The following SCIN variants were observed in gnomAD, a reference collection of about 807,000 sequenced individuals.
SCIN encodes scinderin, also known as adseverin.
SCIN carries 91 observed loss-of-function variants against 91.8 expected under a neutral mutation model. The ratio of observed to expected loss-of-function variants is 0.99; its 90% CI spans 0.84 to 1.18. The LOEUF (loss-of-function observed/expected upper bound fraction) is 1.18, where lower values mean the gene tolerates loss of function less well. Among genes scored for constraint, SCIN ranks in the 50% most tolerant of loss-of-function variants. SCIN has a pLI of 0.00. For synonymous variants in SCIN, 367 were observed against 312.6 expected (o/e 1.17, Z -1.84); for missense variants, 1,087 against 863.9 (o/e 1.26, Z -3.24).
rs1175321952 is a variant in SCIN at position 12,658,509 on chromosome 7, G to A, written c.*5794G>A. On this transcript the variant is annotated 3_prime_UTR_variant, in exon 16 of 16. Coordinates refer to ENST00000297029, the MANE Select transcript of SCIN (RefSeq NM_001112706.3). ...ACAATGCCTTCTGAGAAACAATGTT[G>A]TTCCACATTTTAGAGTTTTGGCATG... 3 of 152,166 alleles carry A rather than the reference G, an allele frequency of 2.0e-5. No individual in the cohort carries two copies. The highest frequency in any genetic ancestry group is 4.8e-5 in the African/African-American group (2 of 41,432). The allele number at this position is 152,166 out of a possible 1,614,324, so 9.4% of individuals were successfully genotyped here.
chr7:12,599,669 C>T (rs1782917829), intron 3 of SCIN, among the ~76,000 whole-genome samples: 1 of 152,038 alleles, frequency 6.6e-6, no homozygotes, highest in Non-Finnish European at 1.5e-5. Context: ...TCACCACACC[C>T]ACACCAACAT....
intron 11 of SCIN, among the ~76,000 whole-genome samples, chr7:12,643,479 G>A (rs1783895539): frequency 6.6e-6 from 1 of 152,166 alleles, no homozygotes; most frequent in African/African-American, 2.4e-5. Flanking sequence ...AGCTTGTTCT[G>A]TGAGGCCTCA....
chr7:12,633,683 T>A (rs543311353), intron 9 of SCIN, among the ~76,000 whole-genome samples: 2 of 152,294 alleles, frequency 1.3e-5, no homozygotes, highest in African/African-American at 4.8e-5. Flanking sequence ...CCCTCCAGAA[T>A]AAAAGCAAAA....
chr7:12,604,849 G>C (rs1477574542), intron 4 of SCIN, among the ~76,000 whole-genome samples, 186 bp downstream of exon 4: 1 of 152,182 alleles, frequency 6.6e-6, no homozygotes, highest in East Asian at 1.9e-4. Context: ...TGATGGAACT[G>C]GGAAAACAGA....
rs116907627 is a variant in SCIN, at chr7:12,570,952, C to T, written c.166C>T (p.Arg56Ter). Residue 56 changes from arginine (R) to a stop codon, truncating the protein, a stop_gained, in exon 1 of 16, where the codon CGA becomes TGA. Transcript: ENST00000297029. LOFTEE classifies it high-confidence loss of function. ...YLVLHTAKTS[R>*]GFTYHLHFWL... ...GGTGCTGCACACGGCCAAGACGAGC[C>T]GAGGCTTCACCTACCACCTGCACTT... The T allele has an allele frequency of 1.2e-3, 1,815 of 1,551,312 alleles. 25 individuals are homozygous for T. In the East Asian group the frequency reaches 0.03, roughly 26 times the overall value.
chr7:12,622,717 A>T, intron 4 of SCIN, 84 bp from the exon 5 acceptor site: 1 of 906,546 alleles, frequency 1.1e-6, no homozygotes, highest in South Asian at 1.5e-5. Flanking sequence ...TTTATAATCC[A>T]TGTCTTTATA....
At chr7:12,583,993 A>G (rs1583277052) in intron 3 of SCIN, among the ~76,000 whole-genome samples, 1 of 152,176 alleles carries the variant, frequency 6.6e-6, no homozygotes, top group African/African-American at 2.4e-5. Context: ...GAATTTTCCT[A>G]TACTCAAAAG....
chr7:12,630,418 T>C (rs557397607), intron 9 of SCIN, among the ~76,000 whole-genome samples: 5 of 152,316 alleles, frequency 3.3e-5, no homozygotes, highest in African/African-American at 1.2e-4. Flanking sequence ...ACTGACTGCA[T>C]ATTGGAATAA....
chr7:12,578,915 T>G (rs542426715), intron 2 of SCIN, among the ~76,000 whole-genome samples: 4 of 142,892 alleles, frequency 2.8e-5, no homozygotes, highest in South Asian at 4.6e-4. Context: ...ACAGGTTTTT[T>G]TTTTTTTTTG....
intron 9 of SCIN, among the ~76,000 whole-genome samples, chr7:12,632,255 C>A (rs12669094): frequency 2.0e-5 from 3 of 151,606 alleles, no homozygotes; most frequent in Non-Finnish European, 2.9e-5. Flanking sequence ...CTCAGCCTCC[C>A]GAGTACCTGG....
rs371616287 is a variant in SCIN at position 12,626,658 on chromosome 7, G to C, written c.1056G>C (p.Gln352His). The C allele has an allele frequency of 5.8e-6, 9 of 1,559,412 alleles. No individual in the cohort carries two copies. Among genetic ancestry groups the C allele is most frequent in the South Asian group, 1.2e-5 (1 of 84,550 alleles). The change falls in exon 8 of 16, where the codon CAG becomes CAC. Residue 352 changes from glutamine to histidine, a missense_variant. Coordinates refer to ENST00000297029, the MANE Select transcript of SCIN (RefSeq NM_001112706.3). ...TTAAGGACTGGAGAGATAAAGATCA[G>C]AGTGATGGCTTCGGGAAAGTTTATG... is the stretch of plus-strand genomic sequence containing the variant. ...QFFKDWRDKDQSDGFGKVYVT... is the reference protein window; with the variant it reads ...QFFKDWRDKDHSDGFGKVYVT...
chr7:12,576,917 TC>T (rs1782385297), intron 1 of SCIN, among the ~76,000 whole-genome samples: 2 of 152,070 alleles, frequency 1.3e-5, no homozygotes, highest in Non-Finnish European at 2.9e-5. Flanking sequence ...ATTTCTAGAG[TC>T]ATTTAAGATT....
At chr7:12,603,555 A>G (rs1024622844) in intron 3 of SCIN, among the ~76,000 whole-genome samples, 1 of 152,150 alleles carries the variant, frequency 6.6e-6, no homozygotes, top group African/African-American at 2.4e-5. Flanking sequence ...TCTGGGTATT[A>G]TTCAACTTCT....
At chr7:12,596,717 A>T (rs960085020) in intron 3 of SCIN, among the ~76,000 whole-genome samples, 4 of 150,808 alleles carry the variant, frequency 2.7e-5, no homozygotes, top group African/African-American at 9.8e-5. Context: ...AAACACTTTG[A>T]GTAGTAAGAG....
At chr7:12,575,910 A>G (rs766497679) in intron 1 of SCIN, among the ~76,000 whole-genome samples, 12 of 152,278 alleles carry the variant, frequency 7.9e-5, no homozygotes, top group East Asian at 5.8e-4. Context: ...AAGACCGTCA[A>G]CCTCATTCAG....
Position 12,622,834 on chromosome 7 carries a change from G to A in SCIN, c.700G>A (p.Gly234Ser). The A allele has an allele frequency of 6.2e-7, 1 of 1,613,180 alleles. No homozygotes were observed. The highest frequency in any genetic ancestry group is 8.5e-7 in the Non-Finnish European group (1 of 1,179,368). Residue 234 changes from glycine to serine, a missense_variant, in exon 5 of 16, where the codon GGT becomes AGT. Coordinates refer to ENST00000297029, the MANE Select transcript of SCIN (RefSeq NM_001112706.3). ...LGEKPELPDGGDDDDIIADIS... is the reference protein window; with the variant it reads ...LGEKPELPDGSDDDDIIADIS... Reference sequence around the variant, plus strand: ...GGAAAAGCCAGAGCTTCCAGATGGAGGTGATGATGATGACATTATAGCAGA... The same window carrying A: ...GGAAAAGCCAGAGCTTCCAGATGGAAGTGATGATGATGACATTATAGCAGA...
chr7:12,621,921 A>G (rs1050762047), intron 4 of SCIN, among the ~76,000 whole-genome samples: 6 of 151,838 alleles, frequency 4.0e-5, no homozygotes, highest in African/African-American at 1.4e-4. Context: ...AAAACACATT[A>G]TGTAAGGAAC....
chr7:12,591,392 A>G (rs894122046), intron 3 of SCIN, among the ~76,000 whole-genome samples: 3 of 152,048 alleles, frequency 2.0e-5, no homozygotes, highest in Non-Finnish European at 4.4e-5. Flanking sequence ...GCTGGCTACC[A>G]CTTCTAGTGC....
chr7:12,656,023 T>C lies in SCIN; in HGVS notation c.*3308T>C, dbSNP rs1233894547. 1 of 152,214 alleles carries C rather than the reference T, an allele frequency of 6.6e-6. No individual in the cohort carries two copies. The highest frequency in any genetic ancestry group is 2.4e-5 in the African/African-American group (1 of 41,456). 9.4% of individuals were successfully genotyped at this position (152,214 alleles called of 1,614,324 possible). ...TGCCGGAGAGCCTTGGTGAGCCATT[T>C]AGATCCTCTGTATCTTCTCAAGCAC... On this transcript the variant is annotated 3_prime_UTR_variant, in exon 16 of 16. Transcript: ENST00000297029.
Sources: allele counts gnomAD v4.1 joint callset (sites outside exome capture counted in the v4.1 genomes callset), GRCh38; gene constraint gnomAD v4.1.1; transcripts MANE v1.5; gene names NCBI Gene and HGNC (gene_info 2026-07-23, HGNC 2026-07-21).